The following BABAM2 variants were observed in gnomAD, a reference collection of about 807,000 sequenced individuals.
BABAM2 encodes BRISC and BRCA1-A complex member 2.
A neutral mutation model predicts 54.7 loss-of-function variants in BABAM2; 31 were observed. The ratio of observed to expected loss-of-function variants is 0.57; its 90% CI spans 0.43 to 0.77. The LOEUF (loss-of-function observed/expected upper bound fraction) is 0.77, where lower values mean the gene tolerates loss of function less well. BABAM2 is among the 30% of genes least tolerant of loss of function. BABAM2 has a pLI of 0.00. For synonymous variants in BABAM2, 167 were observed against 162.9 expected, an observed-to-expected ratio of 1.03 and a Z score of -0.19; for missense variants, 364 against 455.8, an observed-to-expected ratio of 0.80 and a Z score of 1.83.
At chr2:28,039,610 A>G (rs1243546715) in intron 5 of BABAM2, among the ~76,000 whole-genome samples, 1 of 152,238 alleles carries the variant, frequency 6.6e-6, no homozygotes, top group African/African-American at 2.4e-5. Context: ...TTGACAAGGG[A>G]AGTGCCTCTA....
intron 7 of BABAM2, among the ~76,000 whole-genome samples, chr2:28,175,497 C>T (rs1364202237): frequency 1.3e-5 from 2 of 152,226 alleles, no homozygotes; most frequent in Non-Finnish European, 2.9e-5. Context: ...CATTTGTGCA[C>T]TCCTGCCAGG....
intron 6 of BABAM2, among the ~76,000 whole-genome samples, chr2:28,069,227 A>G (rs932103620): frequency 6.6e-6 from 1 of 152,268 alleles, no homozygotes; most frequent in East Asian, 1.9e-4. Flanking sequence ...TCCACTGGCA[A>G]TTATCTGGTT....
intron 3 of BABAM2, among the ~76,000 whole-genome samples, chr2:27,934,585 G>A (rs1668357269): frequency 6.6e-6 from 1 of 152,212 alleles, no homozygotes; most frequent in Non-Finnish European, 1.5e-5. Flanking sequence ...TAGTGAGGAA[G>A]GCATGTTGAA....
intron 3 of BABAM2, among the ~76,000 whole-genome samples, chr2:27,971,951 T>C (rs1028894377): frequency 2.6e-5 from 4 of 152,172 alleles, no homozygotes; most frequent in Non-Finnish European, 4.4e-5. Flanking sequence ...TATTTATTGC[T>C]CAATAAAGTA....
rs745564321 is a variant in BABAM2 at position 28,298,346 on chromosome 2, C to T, written c.943C>T (p.Pro315Ser). The change falls in exon 11 of 12, where the codon CCT becomes TCT. Residue 315 changes from proline to serine, a missense_variant. Physicochemically the swap from Pro to Ser is moderately conservative, Grantham distance 74. Transcript: ENST00000379624. ...TTCTTCTGTCTTTGCAGTTGACCTG[C>T]CTCTGTTTTTCCCTCGAGACCAGCC... ...DFCFLVHIDL[P>S]LFFPRDQPTL... 6.2e-7 allele frequency: 1 copy of T among 1,613,824 alleles called. No homozygotes were observed. The highest frequency in any genetic ancestry group is 1.1e-5 in the South Asian group (1 of 91,012).
At chr2:28,306,456 A>G (rs1688527664) in intron 11 of BABAM2, among the ~76,000 whole-genome samples, 1 of 152,084 alleles carries the variant, frequency 6.6e-6, no homozygotes. Context: ...TGGTCCTTCT[A>G]TCATTATGAG....
At chr2:28,285,293 C>T (rs1010927230) in intron 10 of BABAM2, among the ~76,000 whole-genome samples, 2 of 152,186 alleles carry the variant, frequency 1.3e-5, no homozygotes, top group African/African-American at 4.8e-5. Flanking sequence ...AGTACACATG[C>T]CTTCCTCACT....
chr2:28,248,273 G>T (rs1416908561), intron 10 of BABAM2, among the ~76,000 whole-genome samples: 2 of 136,398 alleles, frequency 1.5e-5, no homozygotes, highest in African/African-American at 5.4e-5. Context: ...GGAATGACGG[G>T]ATCTCGGCTC....
chr2:28,083,773 G>A (rs952299310), intron 6 of BABAM2, among the ~76,000 whole-genome samples: 8 of 152,094 alleles, frequency 5.3e-5, no homozygotes, highest in Admixed American at 3.9e-4. Flanking sequence ...TTGTCCCAGC[G>A]AGTGGCCATC....
chr2:28,337,508 G>GA (rs1457570261), intron 11 of BABAM2, among the ~76,000 whole-genome samples: 5 of 152,116 alleles, frequency 3.3e-5, no homozygotes, highest in African/African-American at 1.2e-4. Context: ...ATCTGAGGTA[G>GA]AACGTGGCCC....
At chr2:28,305,599 G>T (rs997850105) in intron 11 of BABAM2, among the ~76,000 whole-genome samples, 4 of 152,116 alleles carry the variant, frequency 2.6e-5, no homozygotes, top group African/African-American at 9.7e-5. Flanking sequence ...GAAAGAGTTT[G>T]TGCAGATTTA....
intron 11 of BABAM2, among the ~76,000 whole-genome samples, chr2:28,328,996 T>C (rs112868744): frequency 0.015 from 2,240 of 152,360 alleles, 62 homozygotes; most frequent in African/African-American, 0.051. Context: ...CAATAAAGCA[T>C]TGTAATTCCA....
intron 4 of BABAM2, among the ~76,000 whole-genome samples, chr2:28,019,620 G>T (rs1197577328): frequency 6.6e-6 from 1 of 152,100 alleles, no homozygotes; most frequent in Non-Finnish European, 1.5e-5. Context: ...AATCTTTATG[G>T]TTTCAGGTCT....
intron 6 of BABAM2, among the ~76,000 whole-genome samples, chr2:28,122,083 G>A (rs1669123173): frequency 6.6e-6 from 1 of 152,096 alleles, no homozygotes; most frequent in Admixed American, 6.6e-5. Context: ...GGCCATGGTG[G>A]CGGGCACCTG....
At chr2:28,005,520 T>C (rs1294956695) in intron 4 of BABAM2, among the ~76,000 whole-genome samples, 1 of 152,136 alleles carries the variant, frequency 6.6e-6, no homozygotes, top group Non-Finnish European at 1.5e-5. Flanking sequence ...GTTTGTAACA[T>C]TTAGAATAAA....
chr2:27,942,534 A>ATT (rs544430660), intron 3 of BABAM2, among the ~76,000 whole-genome samples: 13 of 136,042 alleles, frequency 9.6e-5, no homozygotes, highest in African/African-American at 2.4e-4. Context: ...TAATTTTTGC[A>ATT]TTTTTTTTTT....
At chr2:28,242,617 T>A (rs1372410779) in intron 9 of BABAM2, among the ~76,000 whole-genome samples, 1 of 152,144 alleles carries the variant, frequency 6.6e-6, no homozygotes, top group East Asian at 1.9e-4. Flanking sequence ...AAAATTAAAA[T>A]TTTAAATAAG....
At chr2:28,261,116 A>G (rs908999541) in intron 10 of BABAM2, among the ~76,000 whole-genome samples, 4 of 151,044 alleles carry the variant, frequency 2.6e-5, no homozygotes, top group African/African-American at 9.7e-5. Context: ...CAATTTTTGT[A>G]TTTTTAGTAG....
chr2:28,287,922 G>A (rs1686959749), intron 10 of BABAM2, among the ~76,000 whole-genome samples: 1 of 152,158 alleles, frequency 6.6e-6, no homozygotes, highest in South Asian at 2.1e-4. Context: ...CTCACTCAGT[G>A]TGTGATGGAT....
Sources: allele counts gnomAD v4.1 joint callset (sites outside exome capture counted in the v4.1 genomes callset), GRCh38; gene constraint gnomAD v4.1.1; transcripts MANE v1.5; gene names NCBI Gene and HGNC (gene_info 2026-07-23, HGNC 2026-07-21).